Variants in PEX5L observed in about 807,000 individuals in gnomAD.
PEX5L encodes peroxisomal biogenesis factor 5 like.
A neutral mutation model predicts 84.0 loss-of-function variants in PEX5L; 30 were observed. The observed-to-expected ratio is 0.36, with a 90% CI of 0.27 to 0.48. The LOEUF (loss-of-function observed/expected upper bound fraction) is 0.48, where lower values mean the gene tolerates loss of function less well. Ranked by LOEUF, PEX5L falls within the 20% of genes least tolerant of loss-of-function variation. The pLI is 0.99. For missense variants in PEX5L, 533 were observed against 754.6 expected, an observed-to-expected ratio of 0.71 and a Z score of 3.44; for synonymous variants, 270 against 283.1, an observed-to-expected ratio of 0.95 and a Z score of 0.46.
intron 1 of PEX5L, among the ~76,000 whole-genome samples, chr3:180,031,534 T>A (rs1329666912): frequency 6.6e-6 from 1 of 152,240 alleles, no homozygotes; most frequent in Non-Finnish European, 1.5e-5. Context: ...GTCAGCATAT[T>A]TGAAATTATA....
chr3:180,001,309 T>C (rs917958227), intron 1 of PEX5L, among the ~76,000 whole-genome samples: 1 of 148,688 alleles, frequency 6.7e-6, no homozygotes, highest in Non-Finnish European at 1.5e-5. Context: ...CTTAATAAAC[T>C]CCCCTTTATA....
chr3:179,867,065 T>C (rs371592012), intron 7 of PEX5L, among the ~76,000 whole-genome samples: 1 of 120,748 alleles, frequency 8.3e-6, no homozygotes, highest in African/African-American at 3.1e-5. Flanking sequence ...GAAAAGAAAA[T>C]ACACACAAAA....
intron 7 of PEX5L, among the ~76,000 whole-genome samples, chr3:179,869,481 T>A (rs1277218686): frequency 6.6e-6 from 1 of 152,196 alleles, no homozygotes; most frequent in African/African-American, 2.4e-5. Flanking sequence ...TAATTTATTA[T>A]CACCTCCAGT....
At chr3:179,949,101 T>G (rs1335548492) in intron 2 of PEX5L, among the ~76,000 whole-genome samples, 2 of 152,224 alleles carry the variant, frequency 1.3e-5, no homozygotes, top group Admixed American at 6.5e-5. Flanking sequence ...ATTTCCAGTC[T>G]GATTAACTGT....
chr3:180,025,651 G>A (rs1221565748), intron 1 of PEX5L, among the ~76,000 whole-genome samples: 1 of 152,106 alleles, frequency 6.6e-6, no homozygotes, highest in Non-Finnish European at 1.5e-5. Context: ...CAGAGCGTAT[G>A]TAAGGCAAGG....
intron 7 of PEX5L, among the ~76,000 whole-genome samples, chr3:179,860,915 G>A (rs2108551849): frequency 6.6e-6 from 1 of 152,300 alleles, no homozygotes; most frequent in East Asian, 1.9e-4. Flanking sequence ...CCAGGAGGCT[G>A]TGCTCACCCA....
At chr3:180,013,110 G>C (rs1789634814) in intron 1 of PEX5L, among the ~76,000 whole-genome samples, 1 of 152,066 alleles carries the variant, frequency 6.6e-6, no homozygotes, top group African/African-American at 2.4e-5. Flanking sequence ...GCTGTCTTGG[G>C]TAAATCAGCA....
chr3:179,887,843 T>C, intron 3 of PEX5L, 59 bp from the exon 4 acceptor site: 1 of 1,103,932 alleles, frequency 9.1e-7, no homozygotes, highest in Non-Finnish European at 1.4e-6. Context: ...GTCAGATGAA[T>C]TAAAATGCAG....
At chr3:179,913,834 C>A (rs1203391864) in intron 2 of PEX5L, among the ~76,000 whole-genome samples, 3 of 151,982 alleles carry the variant, frequency 2.0e-5, no homozygotes, top group African/African-American at 7.3e-5. Flanking sequence ...TTAATTAGTA[C>A]CATAGAATTT....
At chr3:179,815,074 G>T (rs1725512458) in intron 10 of PEX5L, among the ~76,000 whole-genome samples, 1 of 152,156 alleles carries the variant, frequency 6.6e-6, no homozygotes, top group Non-Finnish European at 1.5e-5. Context: ...CTACATTGAT[G>T]TTTTTACTTG....
At chr3:179,986,625 A>G (rs941383540) in intron 1 of PEX5L, among the ~76,000 whole-genome samples, 1 of 152,038 alleles carries the variant, frequency 6.6e-6, no homozygotes, top group Non-Finnish European at 1.5e-5. Context: ...GATAGTCTCT[A>G]TCTCCTGACC....
At chr3:179,845,749 C>A (rs1225595879) in intron 8 of PEX5L, among the ~76,000 whole-genome samples, 2 of 152,198 alleles carry the variant, frequency 1.3e-5, no homozygotes, top group African/African-American at 2.4e-5. Context: ...TGGATTTCAG[C>A]CCCTTCTCCA....
chr3:179,913,254 T>C (rs1765810326), intron 2 of PEX5L, among the ~76,000 whole-genome samples: 1 of 152,148 alleles, frequency 6.6e-6, no homozygotes, highest in Non-Finnish European at 1.5e-5. Flanking sequence ...ACCAAGGTCA[T>C]GGAAGGAAGT....
At chr3:180,013,896 T>C (rs6800148) in intron 1 of PEX5L, among the ~76,000 whole-genome samples, 31,068 of 152,136 alleles carry the variant, frequency 0.2, 3,606 homozygotes, top group African/African-American at 0.33. Context: ...GTGACTTTCA[T>C]AATAAAAAAT....
At chr3:179,846,409 C>T (rs1308272161) in intron 8 of PEX5L, among the ~76,000 whole-genome samples, 1 of 152,176 alleles carries the variant, frequency 6.6e-6, no homozygotes, top group Non-Finnish European at 1.5e-5. Context: ...AGTTGCCCTA[C>T]TGTGCCATTC....
intron 1 of PEX5L, among the ~76,000 whole-genome samples, chr3:179,996,265 T>C (rs1017849409): frequency 6.6e-6 from 1 of 152,054 alleles, no homozygotes; most frequent in Non-Finnish European, 1.5e-5. Context: ...TATGCAGAAA[T>C]CTGGAGAGCA....
intron 2 of PEX5L, among the ~76,000 whole-genome samples, chr3:179,923,396 C>T (rs1770435299): frequency 6.6e-6 from 1 of 151,668 alleles, no homozygotes; most frequent in Non-Finnish European, 1.5e-5. Flanking sequence ...CAAGTTCCTC[C>T]AAAGAACACT....
intron 4 of PEX5L, among the ~76,000 whole-genome samples, chr3:179,886,551 C>A (rs193119861): frequency 5.8e-4 from 88 of 152,204 alleles, no homozygotes; most frequent in Non-Finnish European, 1.0e-3. Flanking sequence ...AATGAACTTA[C>A]GAGATGTAGA....
chr3:180,025,492 G>T (rs1790863983), intron 1 of PEX5L, among the ~76,000 whole-genome samples: 1 of 152,188 alleles, frequency 6.6e-6, no homozygotes, highest in Admixed American at 6.5e-5. Context: ...GTTAATTATG[G>T]TATTGTATTA....
Sources: allele counts gnomAD v4.1 joint callset (sites outside exome capture counted in the v4.1 genomes callset), GRCh38; gene constraint gnomAD v4.1.1; transcripts MANE v1.5; gene names NCBI Gene and HGNC (gene_info 2026-07-23, HGNC 2026-07-21).